Variants in HEMK2 observed in about 807,000 individuals in gnomAD.
HEMK2 encodes the protein methyltransferase HEMK2.
chr21:28,865,114 C>T, the HEMK2 span, among the ~76,000 whole-genome samples: 4 of 152,228 alleles, frequency 2.6e-5, no homozygotes, highest in Admixed American at 6.5e-5. Flanking sequence ...ATTAACCTGC[C>T]TCTAGTCCAT....
the HEMK2 span, among the ~76,000 whole-genome samples, chr21:28,828,069 G>T: frequency 6.6e-6 from 1 of 152,050 alleles, no homozygotes; most frequent in African/African-American, 2.4e-5. Flanking sequence ...ACTAGCATAG[G>T]CTTTTCTAAG....
the HEMK2 span, among the ~76,000 whole-genome samples, chr21:28,693,625 A>C: frequency 6.6e-6 from 1 of 152,188 alleles, no homozygotes; most frequent in Non-Finnish European, 1.5e-5. Context: ...AATGAAGTAC[A>C]TTTTTATCTT....
the HEMK2 span, among the ~76,000 whole-genome samples, chr21:28,588,999 G>C: frequency 2.1e-4 from 27 of 126,548 alleles, no homozygotes; most frequent in East Asian, 9.3e-3. Flanking sequence ...AAAAAAAAAA[G>C]AGTTATTGAG....
the HEMK2 span, among the ~76,000 whole-genome samples, chr21:28,753,900 C>T: frequency 6.6e-6 from 1 of 152,154 alleles, no homozygotes; most frequent in East Asian, 1.9e-4. Flanking sequence ...CAGTGGAATT[C>T]CAAAGGTTAC....
At chr21:28,714,946 C>G in the HEMK2 span, among the ~76,000 whole-genome samples, 8 of 152,138 alleles carry the variant, frequency 5.3e-5, no homozygotes, top group Admixed American at 5.2e-4. Flanking sequence ...CTAGCTCCAT[C>G]CACACTGCTG....
At chr21:28,814,844 T>C in the HEMK2 span, among the ~76,000 whole-genome samples, 1 of 152,094 alleles carries the variant, frequency 6.6e-6, no homozygotes, top group African/African-American at 2.4e-5. Context: ...GATCTAGAAC[T>C]AGAAATTCCA....
chr21:28,644,901 T>C, the HEMK2 span, among the ~76,000 whole-genome samples: 1 of 152,328 alleles, frequency 6.6e-6, no homozygotes, highest in Non-Finnish European at 1.5e-5. Flanking sequence ...CATTTGAGTT[T>C]AAGAACCTCT....
chr21:28,845,200 T>C, the HEMK2 span, among the ~76,000 whole-genome samples: 1 of 152,124 alleles, frequency 6.6e-6, no homozygotes, highest in Non-Finnish European at 1.5e-5. Flanking sequence ...TGTCCAAACA[T>C]CATTTATCAA....
At chr21:28,585,910 A>G in the HEMK2 span, among the ~76,000 whole-genome samples, 1 of 152,240 alleles carries the variant, frequency 6.6e-6, no homozygotes, top group Non-Finnish European at 1.5e-5. Flanking sequence ...AAAGGAAGGA[A>G]GAAATCATAA....
the HEMK2 span, among the ~76,000 whole-genome samples, chr21:28,715,734 G>C: frequency 6.6e-6 from 1 of 152,114 alleles, no homozygotes; most frequent in Non-Finnish European, 1.5e-5. Flanking sequence ...GTCCACAAGA[G>C]TATTTCCTTG....
At chr21:28,585,289 G>A in the HEMK2 span, among the ~76,000 whole-genome samples, 2 of 151,908 alleles carry the variant, frequency 1.3e-5, no homozygotes, top group East Asian at 3.9e-4. Context: ...CCTAGATTGT[G>A]CCATTGCACT....
the HEMK2 span, among the ~76,000 whole-genome samples, chr21:28,784,089 C>T: frequency 6.6e-6 from 1 of 152,218 alleles, no homozygotes; most frequent in Non-Finnish European, 1.5e-5. Flanking sequence ...GAGCGCCATC[C>T]CCCAGCTCCA....
chr21:28,823,870 TGAA>T, the HEMK2 span, among the ~76,000 whole-genome samples: 1 of 152,066 alleles, frequency 6.6e-6, no homozygotes, highest in East Asian at 1.9e-4. Flanking sequence ...AAGTCACAGT[TGAA>T]GGTTTCTAGA....
the HEMK2 span, among the ~76,000 whole-genome samples, chr21:28,809,990 C>G: frequency 6.6e-6 from 1 of 152,134 alleles, no homozygotes; most frequent in Non-Finnish European, 1.5e-5. Flanking sequence ...TCATGGTCTA[C>G]AAGGCTATTG....
the HEMK2 span, among the ~76,000 whole-genome samples, chr21:28,726,677 G>A: frequency 8.8e-3 from 1,342 of 152,226 alleles, 23 homozygotes; most frequent in African/African-American, 0.031. Context: ...GGAGGCCAAG[G>A]CCTGTGGATC....
chr21:28,864,948 T>C, the HEMK2 span, among the ~76,000 whole-genome samples: 279 of 116,488 alleles, frequency 2.4e-3, 3 homozygotes, highest in African/African-American at 0.01. Flanking sequence ...ACAGAATCTA[T>C]AGATACAGGT....
At chr21:28,773,904 C>T in the HEMK2 span, among the ~76,000 whole-genome samples, 11,461 of 152,120 alleles carry the variant, frequency 0.075, 986 homozygotes, top group African/African-American at 0.2. Context: ...TTGCAAATAT[C>T]AAGAATGGTA....
At chr21:28,744,088 G>A in the HEMK2 span, among the ~76,000 whole-genome samples, 6 of 151,786 alleles carry the variant, frequency 4.0e-5, no homozygotes, top group Admixed American at 6.6e-5. Flanking sequence ...CCTACTTGAG[G>A]GTGGGGGCTG....
At chr21:28,839,643 T>C in the HEMK2 span, among the ~76,000 whole-genome samples, 1 of 151,746 alleles carries the variant, frequency 6.6e-6, no homozygotes, top group African/African-American at 2.4e-5. Flanking sequence ...ATAAAATACT[T>C]AGGAATATAC....
Sources: allele counts gnomAD v4.1 joint callset (sites outside exome capture counted in the v4.1 genomes callset), GRCh38; gene constraint gnomAD v4.1.1; transcripts MANE v1.5; gene names NCBI Gene and HGNC (gene_info 2026-07-23, HGNC 2026-07-21).